VWC2L: variants seen among roughly 807,000 people sequenced by gnomAD.
VWC2L encodes von Willebrand factor C domain-containing protein 2-like.
In VWC2L, 10 loss-of-function variants were observed where a neutral mutation model predicts 21.6. The observed-to-expected ratio is 0.46, with a 90% CI of 0.29 to 0.78. The LOEUF is 0.78. Ranked by LOEUF, VWC2L falls within the 30% of genes least tolerant of loss-of-function variation. The pLI, the probability that VWC2L is intolerant of heterozygous loss-of-function variation, is 0.10. For synonymous variants in VWC2L, 96 were observed against 94.3 expected, an observed-to-expected ratio of 1.02 and a Z score of -0.10; for missense variants, 209 against 277.1, an observed-to-expected ratio of 0.75 and a Z score of 1.74.
intron 3 of VWC2L, among the ~76,000 whole-genome samples, chr2:214,522,488 G>C (rs903063190): frequency 6.6e-6 from 1 of 151,614 alleles, no homozygotes; most frequent in Non-Finnish European, 1.5e-5. Context: ...CTATATTTAT[G>C]GGGTACAGGA....
chr2:214,556,699 G>A (rs1450057928), intron 3 of VWC2L, among the ~76,000 whole-genome samples: 1 of 152,182 alleles, frequency 6.6e-6, no homozygotes, highest in East Asian at 1.9e-4. Flanking sequence ...ACTACAATCT[G>A]AGGCGAGGAA....
rs529858086 is a variant in VWC2L, at chr2:214,517,310, T to C, written c.521-58362T>C. Among the ~76,000 whole-genome samples, 4 of 152,284 alleles carry C rather than the reference T, an allele frequency of 2.6e-5. No homozygotes were observed. The South Asian group carries it at 6.2e-4, about 24-fold the overall frequency. On this transcript the variant is annotated intron_variant, in intron 3 of 3. Transcript: ENST00000312504. ...AGAGCTAAAAAGGAGAGCTATGTAG[T>C]GTTATGACAGGCGGCTACAGGGTCA...
intron 3 of VWC2L, among the ~76,000 whole-genome samples, chr2:214,508,192 G>T (rs1688997338): frequency 6.6e-6 from 1 of 152,000 alleles, no homozygotes; most frequent in Non-Finnish European, 1.5e-5. Flanking sequence ...TAGCCAGGAT[G>T]GTCTGATCTC....
intron 3 of VWC2L, among the ~76,000 whole-genome samples, chr2:214,479,793 A>C (rs1688576408): frequency 6.6e-6 from 1 of 152,196 alleles, no homozygotes; most frequent in Non-Finnish European, 1.5e-5. Context: ...CTCTGTCTCA[A>C]AATAATAATA....
intron 3 of VWC2L, among the ~76,000 whole-genome samples, chr2:214,507,787 G>C (rs1022323070): frequency 7.2e-5 from 11 of 152,162 alleles, no homozygotes; most frequent in African/African-American, 2.4e-4. Flanking sequence ...CCTCAAGCAG[G>C]CTCTGTTTTC....
chr2:214,566,900 A>G (rs952396622), intron 3 of VWC2L, among the ~76,000 whole-genome samples: 1 of 152,182 alleles, frequency 6.6e-6, no homozygotes, highest in Non-Finnish European at 1.5e-5. Flanking sequence ...CATCTATCAG[A>G]CTGCACCAAG....
At chr2:214,516,494 T>C (rs1689145249) in intron 3 of VWC2L, among the ~76,000 whole-genome samples, 1 of 152,116 alleles carries the variant, frequency 6.6e-6, no homozygotes, top group Admixed American at 6.5e-5. Flanking sequence ...TTTGTCACAA[T>C]TTATAGAAAG....
At chr2:214,536,370 G>A (rs1689528986) in intron 3 of VWC2L, among the ~76,000 whole-genome samples, 1 of 151,986 alleles carries the variant, frequency 6.6e-6, no homozygotes, top group Non-Finnish European at 1.5e-5. Context: ...TGATCACAAT[G>A]AATTAAAGCA....
chr2:214,525,557 T>C (rs1689320436), intron 3 of VWC2L, among the ~76,000 whole-genome samples: 1 of 152,150 alleles, frequency 6.6e-6, no homozygotes, highest in Non-Finnish European at 1.5e-5. Flanking sequence ...AATAACTCTC[T>C]TAACTGCTCT....
chr2:214,434,824 T>C (rs1702654694), intron 2 of VWC2L, among the ~76,000 whole-genome samples: 1 of 152,156 alleles, frequency 6.6e-6, no homozygotes, highest in Admixed American at 6.6e-5. Flanking sequence ...CATTTGAAAA[T>C]TTAGGATTCT....
At chr2:214,511,420 G>T (rs903462369) in intron 3 of VWC2L, among the ~76,000 whole-genome samples, 1 of 152,172 alleles carries the variant, frequency 6.6e-6, no homozygotes, top group African/African-American at 2.4e-5. Context: ...AATTAAGATT[G>T]AAAGAGGTCA....
At chr2:214,449,459 TGTA>T (rs1250384724) in intron 3 of VWC2L, among the ~76,000 whole-genome samples, 1 of 152,184 alleles carries the variant, frequency 6.6e-6, no homozygotes, top group African/African-American at 2.4e-5. Flanking sequence ...AAAAATTGAT[TGTA>T]GGAGATAATA....
At chr2:214,505,341 G>C (rs1688953216) in intron 3 of VWC2L, among the ~76,000 whole-genome samples, 1 of 152,096 alleles carries the variant, frequency 6.6e-6, no homozygotes, top group Non-Finnish European at 1.5e-5. Context: ...AACCTCCATG[G>C]AGAATCAGCA....
Position 214,513,833 on chromosome 2 carries a change from G to T in VWC2L, c.521-61839G>T, listed in dbSNP as rs149282978. On this transcript the variant is annotated intron_variant, in intron 3 of 3. Transcript: ENST00000312504. ...GCTCAGTCTCTAGTTCAAATCTTCCGGAAAGCTCTAAAGACAAATTCTCAG... is the reference window on the plus strand; with the variant it reads ...GCTCAGTCTCTAGTTCAAATCTTCCTGAAAGCTCTAAAGACAAATTCTCAG... Among the ~76,000 whole-genome samples the T allele has an allele frequency of 3.0e-4, 46 of 151,962 alleles. 2 individuals carry two copies. The highest frequency in any genetic ancestry group is 8.5e-4 in the African/African-American group (35 of 41,286).
intron 3 of VWC2L, among the ~76,000 whole-genome samples, chr2:214,545,812 C>T (rs1317695117): frequency 6.6e-6 from 1 of 152,078 alleles, no homozygotes; most frequent in Non-Finnish European, 1.5e-5. Flanking sequence ...CCATAATATC[C>T]CATGGGTCCT....
chr2:214,453,010 A>G (rs1156244924), intron 3 of VWC2L, among the ~76,000 whole-genome samples: 2 of 152,182 alleles, frequency 1.3e-5, no homozygotes, highest in Non-Finnish European at 2.9e-5. Flanking sequence ...ACTATTTCCC[A>G]TCAGTCTATG....
intron 2 of VWC2L, 118 bp from the exon 3 acceptor site, chr2:214,436,511 T>A: frequency 7.8e-7 from 1 of 1,279,942 alleles, no homozygotes; most frequent in South Asian, 1.5e-5. Flanking sequence ...ACATGGTAAA[T>A]GGAATTAATA....
chr2:214,479,145 G>T (rs1324138012), intron 3 of VWC2L, among the ~76,000 whole-genome samples: 1 of 152,128 alleles, frequency 6.6e-6, no homozygotes, highest in Non-Finnish European at 1.5e-5. Flanking sequence ...CACTCCCTTT[G>T]TAAATTCTCC....
chr2:214,495,015 G>A (rs1215804476), intron 3 of VWC2L, among the ~76,000 whole-genome samples: 1 of 152,026 alleles, frequency 6.6e-6, no homozygotes, highest in Non-Finnish European at 1.5e-5. Flanking sequence ...CTTTAGTTGT[G>A]CTTTCGAAGT....
Sources: allele counts gnomAD v4.1 joint callset (sites outside exome capture counted in the v4.1 genomes callset), GRCh38; gene constraint gnomAD v4.1.1; transcripts MANE v1.5; gene names NCBI Gene and HGNC (gene_info 2026-07-23, HGNC 2026-07-21).